RARB: variants seen among roughly 807,000 people sequenced by gnomAD.
RARB encodes HBV-activated protein.
Under a neutral mutation model 51.9 loss-of-function variants are expected in RARB, and 17 were observed. The observed-to-expected ratio is 0.33, with a 90% CI of 0.22 to 0.49. The LOEUF is 0.49. Ranked by LOEUF, RARB falls within the 20% of genes least tolerant of loss-of-function variation. The pLI, the probability that RARB is intolerant of heterozygous loss-of-function variation, is 0.99. For missense variants in RARB, 369 were observed against 550.8 expected, an observed-to-expected ratio of 0.67 and a Z score of 3.30; for synonymous variants, 215 against 195.4, an observed-to-expected ratio of 1.10 and a Z score of -0.84.
chr3:25,009,533 C>G (rs1242952327), intron 2 of RARB, among the ~76,000 whole-genome samples: 2 of 152,086 alleles, frequency 1.3e-5, no homozygotes, highest in Non-Finnish European at 2.9e-5. Flanking sequence ...GTTCTAAGAT[C>G]TCTGGTTTCA....
chr3:25,075,267 C>T (rs1237594730), intron 3 of RARB, among the ~76,000 whole-genome samples: 1 of 152,180 alleles, frequency 6.6e-6, no homozygotes, highest in African/African-American at 2.4e-5. Context: ...GCAGATCCAG[C>T]TCTGCTTCCC....
chr3:25,340,153 G>A (rs767667392), intron 5 of RARB, among the ~76,000 whole-genome samples: 2 of 152,110 alleles, frequency 1.3e-5, no homozygotes, highest in Non-Finnish European at 2.9e-5. Context: ...CTTTCAAGAA[G>A]AATGAGGAGT....
intron 2 of RARB, among the ~76,000 whole-genome samples, chr3:25,035,619 T>G (rs1263701602): frequency 1.3e-5 from 2 of 152,162 alleles, no homozygotes; most frequent in African/African-American, 4.8e-5. Context: ...TCACCTAAAC[T>G]ATGTGTCTGT....
chr3:25,492,047 C>T (rs1559431910), intron 2 of RARB, among the ~76,000 whole-genome samples: 2 of 152,226 alleles, frequency 1.3e-5, no homozygotes, highest in Non-Finnish European at 2.9e-5. Context: ...TGGGACTGCA[C>T]AGTCACATGC....
intron 2 of RARB, among the ~76,000 whole-genome samples, chr3:25,035,999 T>C (rs1221135490): frequency 2.6e-5 from 4 of 152,192 alleles, no homozygotes; most frequent in Non-Finnish European, 4.4e-5. Context: ...GGCAGAACTG[T>C]AGGAAATTGC....
chr3:25,009,087 T>C (rs1438669794), intron 2 of RARB, among the ~76,000 whole-genome samples: 4 of 152,158 alleles, frequency 2.6e-5, no homozygotes, highest in African/African-American at 7.2e-5. Context: ...TAATTTGGCT[T>C]GTCCCTCTAA....
At chr3:25,488,488 GA>G (rs1696573677) in intron 2 of RARB, among the ~76,000 whole-genome samples, 4 of 152,112 alleles carry the variant, frequency 2.6e-5, no homozygotes, top group Admixed American at 2.6e-4. Context: ...ACGTTCCATG[GA>G]ATGATCACCT....
chr3:24,862,362 G>T (rs936649848), intron 2 of RARB, among the ~76,000 whole-genome samples: 1 of 152,176 alleles, frequency 6.6e-6, no homozygotes, highest in Non-Finnish European at 1.5e-5. Flanking sequence ...AGAGGTGGGT[G>T]AAGTTTCCAA....
intron 4 of RARB, among the ~76,000 whole-genome samples, chr3:25,140,019 TC>T: frequency 6.6e-6 from 1 of 152,256 alleles, no homozygotes; most frequent in South Asian, 2.1e-4. Context: ...AGATTTTCCT[TC>T]AAAATATTAT....
At chr3:25,121,090 A>C (rs1349134679) in intron 3 of RARB, among the ~76,000 whole-genome samples, 1 of 152,170 alleles carries the variant, frequency 6.6e-6, no homozygotes, top group Non-Finnish European at 1.5e-5. Context: ...ATGTGTATAA[A>C]GTGGTGGGAA....
chr3:24,978,714 A>ATTT lies in RARB; in HGVS notation c.-379-81402_-379-81400dup, dbSNP rs551997715. ...TTTCAAAAAACCAGCTCCTGGATTG[A>ATTT]TTTTTTTTTTTGAAGGGTTTTTGTG... On this transcript the variant is annotated intron_variant, in intron 2 of 11. Coordinates refer to the RARB transcript ENST00000383772. Among the ~76,000 whole-genome samples the ATTT allele has an allele frequency of 7.7e-3, 1,124 of 146,264 alleles. 10 individuals are homozygous for ATTT. The highest frequency in any genetic ancestry group is 0.027 in the African/African-American group (1,077 of 40,008).
intron 2 of RARB, among the ~76,000 whole-genome samples, chr3:24,865,662 A>AT (rs1424852412): frequency 2.2e-4 from 33 of 152,130 alleles, no homozygotes; most frequent in African/African-American, 7.7e-4. Context: ...ACCTAGATAT[A>AT]TTTTTCTATG....
At chr3:25,457,308 A>G (rs1218837962) in intron 1 of RARB, among the ~76,000 whole-genome samples, 1 of 152,218 alleles carries the variant, frequency 6.6e-6, no homozygotes. Context: ...CATTGCCCAT[A>G]GCGTATAACA....
At chr3:25,592,766 C>T (rs77104187) in intron 5 of RARB, among the ~76,000 whole-genome samples, 2,721 of 152,316 alleles carry the variant, frequency 0.018, 34 homozygotes, top group Middle Eastern at 0.041. Flanking sequence ...CTTTAGGGTT[C>T]GGTTGAAATG....
At chr3:25,014,727 T>C (rs1697471383) in intron 2 of RARB, among the ~76,000 whole-genome samples, 1 of 152,032 alleles carries the variant, frequency 6.6e-6, no homozygotes, top group African/African-American at 2.4e-5. Flanking sequence ...CATAGTCTTG[T>C]AACTACCCAT....
chr3:25,330,269 G>A (rs940596277), intron 5 of RARB, among the ~76,000 whole-genome samples: 1 of 152,120 alleles, frequency 6.6e-6, no homozygotes. Flanking sequence ...AGAGAGAAAG[G>A]TCAGGTTACC....
intron 2 of RARB, among the ~76,000 whole-genome samples, chr3:24,863,643 A>G (rs1317646073): frequency 2.0e-5 from 3 of 152,116 alleles, no homozygotes; most frequent in Non-Finnish European, 4.4e-5. Flanking sequence ...CAATTTAATT[A>G]GAGAACACCA....
intron 2 of RARB, among the ~76,000 whole-genome samples, chr3:24,973,791 T>C (rs927696269): frequency 2.6e-5 from 4 of 152,108 alleles, no homozygotes; most frequent in African/African-American, 7.2e-5. Context: ...GATTTTTGTA[T>C]GTTGCTTTTG....
intron 5 of RARB, among the ~76,000 whole-genome samples, chr3:25,381,448 C>T (rs1334241790): frequency 6.6e-6 from 1 of 152,136 alleles, no homozygotes; most frequent in Admixed American, 6.5e-5. Flanking sequence ...TCACATTTGT[C>T]AAATAAAGAT....
Sources: allele counts gnomAD v4.1 joint callset (sites outside exome capture counted in the v4.1 genomes callset), GRCh38; gene constraint gnomAD v4.1.1; transcripts MANE v1.5; gene names NCBI Gene and HGNC (gene_info 2026-07-23, HGNC 2026-07-21).